Variants in DTL observed in about 807,000 individuals in gnomAD.
DTL encodes the protein denticleless E3 ubiquitin protein ligase adapter.
DTL carries 46 observed loss-of-function variants against 87.0 expected under a neutral mutation model. That is an observed-to-expected ratio of 0.53 (90% CI 0.42 to 0.68). DTL has a LOEUF of 0.68. Ranked by LOEUF, DTL falls within the 30% of genes least tolerant of loss-of-function variation. The pLI is 0.00. For synonymous variants in DTL, 308 were observed against 311.2 expected, an observed-to-expected ratio of 0.99 and a Z score of 0.11; for missense variants, 737 against 869.4, an observed-to-expected ratio of 0.85 and a Z score of 1.91.
rs1654583738 is a variant in DTL at position 212,068,686 on chromosome 1, G to A, written c.905G>A (p.Gly302Glu). 1 of 1,606,672 alleles carries A rather than the reference G, an allele frequency of 6.2e-7. No homozygotes were observed. Among genetic ancestry groups the A allele is most frequent in the South Asian group, 1.1e-5 (1 of 90,676 alleles). The change falls in exon 10 of 15, where the codon GGG becomes GAG. Residue 302 changes from glycine (G) to glutamate (E), a missense_variant. Transcript: ENST00000366991. ...DDNIYMFNMT[G>E]LKTSPVAIFN... ...AACATCTACATGTTTAATATGACTG[G>A]GTTGAAGACTTCTCCAGGTAAGATA... is the stretch of plus-strand genomic sequence containing the variant.
At chr1:212,073,171 G>T (rs1015443627) in intron 11 of DTL, among the ~76,000 whole-genome samples, 13 of 152,160 alleles carry the variant, frequency 8.5e-5, no homozygotes, top group African/African-American at 3.1e-4. Flanking sequence ...AAATAAAAAT[G>T]TTAGACAACA....
At chr1:212,097,906 A>G (rs2102586058) in intron 13 of DTL, among the ~76,000 whole-genome samples, 1 of 151,246 alleles carries the variant, frequency 6.6e-6, no homozygotes, top group East Asian at 1.9e-4. Context: ...CTTTTGTCCC[A>G]CAGAGTGATC....
chr1:212,063,245 G>A (rs955150128), intron 6 of DTL, among the ~76,000 whole-genome samples: 2 of 151,318 alleles, frequency 1.3e-5, no homozygotes, highest in African/African-American at 2.4e-5. Flanking sequence ...AGCCTCACTG[G>A]TAAATGTCTT....
At chr1:212,085,403 C>G (rs1655103544) in intron 13 of DTL, among the ~76,000 whole-genome samples, 1 of 152,178 alleles carries the variant, frequency 6.6e-6, no homozygotes, top group African/African-American at 2.4e-5. Context: ...GCCAGTGATG[C>G]TGAACATCTT....
chr1:212,080,895 T>G, intron 13 of DTL, 145 bp downstream of exon 13: 1 of 862,582 alleles, frequency 1.2e-6, no homozygotes, highest in Non-Finnish European at 1.7e-6. Flanking sequence ...TTTTGATAAG[T>G]ATTTCCCAAG....
At position 212,039,682 on chromosome 1, in the gene DTL, C is replaced by T. The variant is rs115460744; in HGVS notation, c.53-3311C>T. On this transcript the variant is annotated intron_variant, in intron 1 of 14. Coordinates refer to ENST00000366991, the MANE Select transcript of DTL (RefSeq NM_016448.4). ...ACAAAGCTAGATAGTGTAACTACTA[C>T]ACACCTAAGCTATATATTTTTCCTA... 6.4e-3 allele frequency among the ~76,000 whole-genome samples: 980 copies of T among 152,322 alleles called. 12 individuals are homozygous for T. The highest frequency in any genetic ancestry group is 0.023 in the African/African-American group (944 of 41,568).
chr1:212,097,505 C>G (rs1655486074), intron 13 of DTL, among the ~76,000 whole-genome samples: 1 of 151,950 alleles, frequency 6.6e-6, no homozygotes. Context: ...TTGTTTGGTT[C>G]TATTGTTAAA....
intron 13 of DTL, among the ~76,000 whole-genome samples, chr1:212,089,322 A>G (rs985439406): frequency 4.6e-5 from 7 of 152,218 alleles, no homozygotes; most frequent in African/African-American, 1.7e-4. Context: ...GCACCTGTTA[A>G]AAATAATGCA....
Position 212,066,869 on chromosome 1 carries a change from G to A in DTL, c.697G>A (p.Ala233Thr). The change falls in exon 8 of 15, where the codon GCA (alanine) becomes ACA (threonine). Residue 233 changes from alanine (A) to threonine (T), a missense_variant. Transcript: ENST00000366991. The stretch of plus-strand genomic sequence containing the variant: ...TCAAGACGAGAATACCTTAGTCTCA[G>A]CAGGAGCTGTGGATGGGTAAGAGTC... ...LFQDENTLVS[A>T]GAVDGIIKVW... 1 of 1,613,852 alleles carries A rather than the reference G, an allele frequency of 6.2e-7. No individual in the cohort carries two copies. The highest frequency in any genetic ancestry group is 8.5e-7 in the Non-Finnish European group (1 of 1,179,784).
rs1361484404 is a variant in DTL at position 212,053,596 on chromosome 1, G to A, written c.460+6179G>A. ...CTTCCTTTTTTTGTTTTTTGTTGTTGTTGTTGTTTGAGACAGGGTCTCACT... is the reference window on the plus strand; with the variant it reads ...CTTCCTTTTTTTGTTTTTTGTTGTTATTGTTGTTTGAGACAGGGTCTCACT... On this transcript the variant is annotated intron_variant, in intron 5 of 14. Transcript: ENST00000366991. Among the ~76,000 whole-genome samples, 7 of 151,638 alleles carry A rather than the reference G, an allele frequency of 4.6e-5. 1 individual carries two copies. The highest frequency in any genetic ancestry group is 4.2e-4 in the South Asian group (2 of 4,800).
At position 212,052,198 on chromosome 1, in the gene DTL, T is replaced by C. The variant is rs536657366; in HGVS notation, c.460+4781T>C. ...CTGTTTTTCCTGACTATTTTCAGGA[T>C]TTTTTGTCTTTGGTTTCTAGCAGTT... On this transcript the variant is annotated intron_variant, in intron 5 of 14. Transcript: ENST00000366991. Among the ~76,000 whole-genome samples the C allele has an allele frequency of 7.9e-5, 12 of 152,334 alleles. 2 individuals are homozygous for C. In the South Asian group the frequency reaches 2.5e-3, roughly 32 times the overall value.
At chr1:212,061,579 A>C (rs1441013863) in intron 5 of DTL, among the ~76,000 whole-genome samples, 1 of 152,168 alleles carries the variant, frequency 6.6e-6, no homozygotes, top group Non-Finnish European at 1.5e-5. Flanking sequence ...ACAGTATATC[A>C]AAGGAATAAC....
chr1:212,096,656 G>A (rs889016053), intron 13 of DTL, among the ~76,000 whole-genome samples: 17 of 152,004 alleles, frequency 1.1e-4, no homozygotes, highest in African/African-American at 1.9e-4. Context: ...ATTCAGGAGC[G>A]GATTATTTAA....
At chr1:212,053,948 A>G (rs1287464666) in intron 5 of DTL, among the ~76,000 whole-genome samples, 1 of 152,180 alleles carries the variant, frequency 6.6e-6, no homozygotes, top group Non-Finnish European at 1.5e-5. Flanking sequence ...TTGTAAGTCA[A>G]GTAATTTAAG....
At position 212,066,888 on chromosome 1, in the gene DTL, A is replaced by G. The variant is rs967698086; in HGVS notation, c.713+3A>G. 4 of 1,611,920 alleles carry G rather than the reference A, an allele frequency of 2.5e-6. No homozygotes were observed. The highest frequency in any genetic ancestry group is 3.4e-6 in the Non-Finnish European group (4 of 1,178,160). On this transcript the variant is annotated splice_donor_region_variant and intron_variant, in intron 8 of 14. Transcript: ENST00000366991. ...GTCTCAGCAGGAGCTGTGGATGGGT[A>G]AGAGTCTATTTCTTTTTTCTTCCGA...
chr1:212,069,444 G>A (rs1055004238), intron 10 of DTL, among the ~76,000 whole-genome samples: 1 of 151,864 alleles, frequency 6.6e-6, no homozygotes, highest in Non-Finnish European at 1.5e-5. Context: ...CCAATCCTCA[G>A]AGTTACCCAG....
chr1:212,087,443 G>C (rs891910965), intron 13 of DTL, among the ~76,000 whole-genome samples: 1 of 151,792 alleles, frequency 6.6e-6, no homozygotes, highest in African/African-American at 2.4e-5. Flanking sequence ...CCAGCTACTC[G>C]GGAGGCTGAG....
chr1:212,068,411 A>G, intron 9 of DTL, 84 bp downstream of exon 9: 1 of 995,614 alleles, frequency 1.0e-6, no homozygotes, highest in African/African-American at 1.7e-5. Context: ...TAACATTGAT[A>G]TGAAAAATTC....
chr1:212,062,051 A>C (rs1654343129), intron 5 of DTL, among the ~76,000 whole-genome samples: 1 of 152,362 alleles, frequency 6.6e-6, no homozygotes, highest in Non-Finnish European at 1.5e-5. Flanking sequence ...TGGATACCCC[A>C]GATACCCTGA....
Sources: allele counts gnomAD v4.1 joint callset (sites outside exome capture counted in the v4.1 genomes callset), GRCh38; gene constraint gnomAD v4.1.1; transcripts MANE v1.5; gene names NCBI Gene and HGNC (gene_info 2026-07-23, HGNC 2026-07-21).